PPP1R12B: variants seen among roughly 807,000 people sequenced by gnomAD.
PPP1R12B encodes the protein protein phosphatase 1 regulatory subunit 12B, also known as myosin phosphatase target subunit 2.
PPP1R12B carries 76 observed loss-of-function variants against 126.1 expected under a neutral mutation model. The ratio of observed to expected loss-of-function variants is 0.60; its 90% CI spans 0.50 to 0.73. PPP1R12B has a LOEUF of 0.73. Among genes scored for constraint, PPP1R12B ranks in the 30% least tolerant of loss-of-function variants. The probability of loss-of-function intolerance (pLI) is 0.00; values close to 1 mark genes in which losing one functional copy is unlikely to be tolerated. For synonymous variants in PPP1R12B, 356 were observed against 434.7 expected (o/e 0.82, Z 2.25); for missense variants, 1,052 against 1,205.1 (o/e 0.87, Z 1.88).
chr1:202,351,141 T>C (rs1655889320), intron 1 of PPP1R12B, among the ~76,000 whole-genome samples: 1 of 152,116 alleles, frequency 6.6e-6, no homozygotes, highest in Non-Finnish European at 1.5e-5. Flanking sequence ...AACGGGCCTT[T>C]ATTGGCTTCA....
chr1:202,469,184 A>G (rs1372993633), intron 13 of PPP1R12B, among the ~76,000 whole-genome samples: 1 of 152,234 alleles, frequency 6.6e-6, no homozygotes, highest in Non-Finnish European at 1.5e-5. Flanking sequence ...ATGTAATGAT[A>G]AAGTGTAGTC....
rs375320086 is a variant in PPP1R12B, at chr1:202,348,845, C to T, written c.-7C>T. ...TAGTTTTGGCAGCAGCTGCCGAGGCCGGAGCAATGGCGGAACTGGAGCACC... is the reference window on the plus strand; with the variant it reads ...TAGTTTTGGCAGCAGCTGCCGAGGCTGGAGCAATGGCGGAACTGGAGCACC... On this transcript the variant is annotated 5_prime_UTR_variant, in exon 1 of 24. Coordinates refer to ENST00000608999, the MANE Select transcript of PPP1R12B (RefSeq NM_002481.4). 8 of 1,604,396 alleles carry T rather than the reference C, an allele frequency of 5.0e-6. No individual in the cohort carries two copies. In the Admixed American group the frequency reaches 1.4e-4, roughly 28 times the overall value.
Position 202,433,088 on chromosome 1 carries a change from T to C in PPP1R12B, c.1141+1469T>C, listed in dbSNP as rs1368076766. Among the ~76,000 whole-genome samples, 10 of 152,354 alleles carry C rather than the reference T, an allele frequency of 6.6e-5. No individual in the cohort carries two copies. The South Asian group carries it at 1.2e-3, about 19-fold the overall frequency. ...AGTATAGGAGATGACCTTTTATTCA[T>C]TGAGACTTGAACTTCTATTATTAAT... On this transcript the variant is annotated intron_variant, in intron 8 of 23. Transcript: ENST00000608999.
intron 13 of PPP1R12B, among the ~76,000 whole-genome samples, chr1:202,452,166 G>C (rs1354886299): frequency 6.6e-6 from 1 of 152,152 alleles, no homozygotes; most frequent in African/African-American, 2.4e-5. Flanking sequence ...GGCAGAGGCT[G>C]CAATCTCGGC....
chr1:202,537,211 C>T (rs4950854), intron 18 of PPP1R12B, among the ~76,000 whole-genome samples: 29 of 151,814 alleles, frequency 1.9e-4, no homozygotes, highest in African/African-American at 6.3e-4. Context: ...AAAATTAGCC[C>T]GGCATGGTGG....
chr1:202,450,247 G>T (rs1672774687), intron 13 of PPP1R12B, among the ~76,000 whole-genome samples: 1 of 152,192 alleles, frequency 6.6e-6, no homozygotes, highest in Non-Finnish European at 1.5e-5. Flanking sequence ...AATATGTGAT[G>T]ATATGGTAGA....
At chr1:202,516,428 C>T (rs779416366) in intron 18 of PPP1R12B, among the ~76,000 whole-genome samples, 3 of 152,098 alleles carry the variant, frequency 2.0e-5, no homozygotes, top group Non-Finnish European at 4.4e-5. Context: ...TGAAGAGTAT[C>T]TCGTAGGTTT....
At chr1:202,425,457 A>C in intron 3 of PPP1R12B, 109 bp from the exon 4 acceptor site, 1 of 1,225,276 alleles carries the variant, frequency 8.2e-7, no homozygotes, top group Middle Eastern at 2.3e-4. Context: ...TGATGGCTAA[A>C]TTGTTATTTG....
chr1:202,481,379 A>G (rs1677340753), intron 13 of PPP1R12B, among the ~76,000 whole-genome samples: 1 of 152,216 alleles, frequency 6.6e-6, no homozygotes, highest in African/African-American at 2.4e-5. Flanking sequence ...TTTGTGCAAG[A>G]CTAGATAGTC....
intron 20 of PPP1R12B, among the ~76,000 whole-genome samples, chr1:202,563,714 G>A (rs1687763060): frequency 1.3e-5 from 2 of 151,676 alleles, no homozygotes; most frequent in Admixed American, 1.3e-4. Context: ...AACTCCAAGA[G>A]TAGACTTAAA....
chr1:202,374,584 C>T (rs1172149613), intron 1 of PPP1R12B, among the ~76,000 whole-genome samples: 21 of 145,554 alleles, frequency 1.4e-4, no homozygotes, highest in Non-Finnish European at 2.1e-4. Flanking sequence ...TTGCAACCTC[C>T]GCCTCCCAGG....
chr1:202,430,141 G>A (rs1178234586), intron 6 of PPP1R12B, among the ~76,000 whole-genome samples: 1 of 152,174 alleles, frequency 6.6e-6, no homozygotes, highest in Non-Finnish European at 1.5e-5. Context: ...TCACATGGAA[G>A]TTGCAAAAAT....
At chr1:202,563,676 T>G (rs2149015356) in intron 20 of PPP1R12B, among the ~76,000 whole-genome samples, 1 of 152,126 alleles carries the variant, frequency 6.6e-6, no homozygotes, top group South Asian at 2.1e-4. Context: ...TTACAGTTTA[T>G]TTCCTTTTTT....
At chr1:202,416,524 C>CAA (rs1487397393) in intron 1 of PPP1R12B, among the ~76,000 whole-genome samples, 2 of 41,820 alleles carry the variant, frequency 4.8e-5, no homozygotes, top group Non-Finnish European at 9.8e-5. Flanking sequence ...GAAACTCTGT[C>CAA]TAAAAAAAAA....
Position 202,420,967 on chromosome 1 carries a change from C to CTTT in PPP1R12B, c.423-1634_423-1632dup, listed in dbSNP as rs56164548. ...CTATTGATTCTTTTCCCTCTGCCAA[C>CTTT]TTTTTTTTTTTTTTTTTTTTTGAGA... On this transcript the variant is annotated intron_variant, in intron 2 of 23. Coordinates refer to ENST00000608999, the MANE Select transcript of PPP1R12B (RefSeq NM_002481.4). Among the ~76,000 whole-genome samples the CTTT allele has an allele frequency of 1.1e-4, 13 of 118,544 alleles. 2 individuals are homozygous for CTTT. The highest frequency in any genetic ancestry group is 5.9e-4 in the East Asian group (2 of 3,390). The allele number at this position is 118,544 out of a possible 152,430, so 77.8% of individuals were successfully genotyped here. A position where few individuals can be genotyped will look rare whatever the true frequency, so the allele number is the denominator to read the frequency against.
intron 1 of PPP1R12B, among the ~76,000 whole-genome samples, chr1:202,389,963 A>G (rs1212022475): frequency 6.6e-6 from 1 of 151,574 alleles, no homozygotes; most frequent in African/African-American, 2.4e-5. Context: ...TGGAATTGCA[A>G]GGGACCCAGA....
rs1475447969 is a variant in PPP1R12B, at chr1:202,565,585, G to A, written c.2757+1038G>A. ...TTGGAAGACAGCCCCACAGAGCTGCGTAGGACTCCAGCAAGACAGCCAGGA... is the reference window on the plus strand; with the variant it reads ...TTGGAAGACAGCCCCACAGAGCTGCATAGGACTCCAGCAAGACAGCCAGGA... On this transcript the variant is annotated intron_variant, in intron 21 of 23. Coordinates refer to ENST00000608999, the MANE Select transcript of PPP1R12B (RefSeq NM_002481.4). The surrounding 1 kb of genome is among the most constrained non-coding windows in gnomAD (Gnocchi z 4.3). 6.6e-6 allele frequency among the ~76,000 whole-genome samples: 1 copy of A among 152,152 alleles called. No individual in the cohort carries two copies. The highest frequency in any genetic ancestry group is 2.4e-5 in the African/African-American group (1 of 41,424).
intron 18 of PPP1R12B, among the ~76,000 whole-genome samples, chr1:202,534,801 A>C (rs1684364709): frequency 6.6e-6 from 1 of 152,140 alleles, no homozygotes; most frequent in Non-Finnish European, 1.5e-5. Context: ...GGTAGAGATA[A>C]GTTTTTTCTT....
Position 202,567,762 on chromosome 1 carries a change from C to CTTCCATTT in PPP1R12B, c.2758-15_2758-8dup. ...GACAACTTAAATAACAACTGTTTTC[C>CTTCCATTT]TTCCATTTGCACCAGCAGAAACAAG... On this transcript the variant is annotated splice_polypyrimidine_tract_variant and intron_variant, in intron 21 of 23. Transcript: ENST00000608999. 6.2e-7 allele frequency: 1 copy of CTTCCATTT among 1,613,762 alleles called. No homozygotes were observed. Among genetic ancestry groups the CTTCCATTT allele is most frequent in the Non-Finnish European group, 8.5e-7 (1 of 1,179,694 alleles).
Sources: gnomAD v4.1 joint callset for allele counts (sites outside exome capture counted in the v4.1 genomes callset) on GRCh38, gnomAD v4.1.1 for gene constraint, Gnocchi (gnomAD v3.1) non-coding constraint, MANE v1.5 for transcripts, NCBI Gene and HGNC (gene_info 2026-07-23, HGNC 2026-07-21) for gene names.